PCDH15: variants seen among roughly 807,000 people sequenced by gnomAD.
PCDH15 encodes the protein protocadherin-15.
PCDH15 carries 129 observed loss-of-function variants against 178.5 expected under a neutral mutation model. The ratio of observed to expected loss-of-function variants is 0.72; its 90% CI spans 0.63 to 0.84. The LOEUF (loss-of-function observed/expected upper bound fraction) is 0.84. PCDH15 is among the 40% of genes least tolerant of loss of function. The pLI, the probability that PCDH15 is intolerant of heterozygous loss-of-function variation, is 0.00. For missense variants in PCDH15, 2,230 were observed against 2,099.9 expected (o/e 1.06, Z -1.21); for synonymous variants, 800 against 732.0 (o/e 1.09, Z -1.50).
At chr10:54,859,880 T>G in intron 3 of PCDH15, among the ~76,000 whole-genome samples, 1 of 151,872 alleles carries the variant, frequency 6.6e-6, no homozygotes, top group Non-Finnish European at 1.5e-5. Flanking sequence ...TCTCAGGATT[T>G]TTTTCTGTTC....
At chr10:54,569,645 T>C (rs1223039287) in intron 2 of PCDH15, among the ~76,000 whole-genome samples, 1 of 152,114 alleles carries the variant, frequency 6.6e-6, no homozygotes, top group Non-Finnish European at 1.5e-5. Context: ...AAGGTTGGCT[T>C]TGGGGGATTT....
intron 2 of PCDH15, among the ~76,000 whole-genome samples, chr10:54,540,913 G>A (rs954762962): frequency 2.6e-5 from 4 of 152,124 alleles, no homozygotes; most frequent in East Asian, 3.9e-4. Flanking sequence ...AAAACTATAC[G>A]ATAATCCCAG....
At chr10:54,627,331 C>A (rs534804151) in intron 2 of PCDH15, among the ~76,000 whole-genome samples, 1 of 152,080 alleles carries the variant, frequency 6.6e-6, no homozygotes, top group South Asian at 2.1e-4. Flanking sequence ...CATCTTGAAG[C>A]TCCCATAGTT....
chr10:54,052,162 C>T (rs1053198445), intron 18 of PCDH15, among the ~76,000 whole-genome samples: 7 of 152,168 alleles, frequency 4.6e-5, no homozygotes, highest in African/African-American at 1.7e-4. Flanking sequence ...TGGTCAGAGC[C>T]CCCACACAGA....
intron 2 of PCDH15, among the ~76,000 whole-genome samples, chr10:54,971,096 G>T (rs1261565421): frequency 1.3e-5 from 2 of 152,080 alleles, no homozygotes; most frequent in African/African-American, 4.8e-5. Context: ...TGGAGTTAAT[G>T]AGATGGAATG....
intron 2 of PCDH15, chr10:54,608,005 G>A: frequency 2.1e-6 from 1 of 470,920 alleles, no homozygotes; most frequent in Non-Finnish European, 4.1e-6. Context: ...TGGTTATTGT[G>A]AGAAGACTTG....
intron 2 of PCDH15, among the ~76,000 whole-genome samples, chr10:55,159,576 A>C (rs1244857779): frequency 6.7e-6 from 1 of 149,150 alleles, no homozygotes; most frequent in Non-Finnish European, 1.5e-5. Context: ...ATTTATTGAG[A>C]GAGAAAAGAA....
intron 1 of PCDH15, among the ~76,000 whole-genome samples, chr10:55,250,762 C>G (rs1395123012): frequency 2.0e-5 from 3 of 151,436 alleles, no homozygotes; most frequent in Non-Finnish European, 4.4e-5. Context: ...GTCTTGAACT[C>G]CTGACCTCGT....
chr10:54,075,029 G>A (rs1016554201), intron 17 of PCDH15, among the ~76,000 whole-genome samples: 7 of 152,082 alleles, frequency 4.6e-5, no homozygotes, highest in African/African-American at 1.7e-4. Flanking sequence ...TTGGAAAAGT[G>A]TCTATTCAAG....
intron 21 of PCDH15, among the ~76,000 whole-genome samples, chr10:53,977,780 G>C (rs1434959964): frequency 6.6e-6 from 1 of 152,118 alleles, no homozygotes; most frequent in Admixed American, 6.5e-5. Flanking sequence ...AGATACAATG[G>C]GGGTATAGGC....
intron 18 of PCDH15, among the ~76,000 whole-genome samples, chr10:54,060,772 G>A (rs58624785): frequency 0.033 from 4,948 of 152,162 alleles, 258 homozygotes; most frequent in African/African-American, 0.11. Context: ...ATGGAGTCAC[G>A]TGATCTAGTG....
chr10:55,277,547 C>T (rs1842624751), intron 1 of PCDH15, among the ~76,000 whole-genome samples: 1 of 152,024 alleles, frequency 6.6e-6, no homozygotes, highest in Non-Finnish European at 1.5e-5. Flanking sequence ...AACCTGTACA[C>T]CACTGTGATA....
At chr10:54,086,645 A>G (rs1425238441) in intron 16 of PCDH15, among the ~76,000 whole-genome samples, 2 of 152,280 alleles carry the variant, frequency 1.3e-5, no homozygotes, top group South Asian at 4.2e-4. Context: ...TGAGAACAAC[A>G]GCATTGAGGT....
intron 2 of PCDH15, among the ~76,000 whole-genome samples, chr10:55,081,006 T>C (rs1842027405): frequency 6.6e-6 from 1 of 152,112 alleles, no homozygotes; most frequent in Non-Finnish European, 1.5e-5. Context: ...GGGGTCACTT[T>C]TCATAGCCCC....
chr10:54,718,585 T>A lies in PCDH15; in HGVS notation c.-28-54295A>T, dbSNP rs2095508875. ...TCCAAATTAAAACAAATTCAAAAAA[T>A]AAGGAGAGATAGCTTATCTAGATGA... On this transcript the variant is annotated intron_variant, in intron 1 of 37. Transcript: ENST00000644397. Among the ~76,000 whole-genome samples the A allele has an allele frequency of 1.4e-5, 2 of 148,076 alleles. 1 individual carries two copies. Among genetic ancestry groups the A allele is most frequent in the Admixed American group, 1.4e-4 (2 of 14,780 alleles).
chr10:54,445,188 TA>T (rs765766944), intron 3 of PCDH15, among the ~76,000 whole-genome samples: 12 of 151,546 alleles, frequency 7.9e-5, no homozygotes, highest in Admixed American at 3.3e-4. Context: ...TTTTTGCTTT[TA>T]TTTTTTTCTC....
chr10:54,242,156 A>ATG (rs2055426228), intron 8 of PCDH15, among the ~76,000 whole-genome samples: 10 of 98,496 alleles, frequency 1.0e-4, no homozygotes, highest in African/African-American at 4.4e-4. Flanking sequence ...ATATATATAT[A>ATG]TATATATATA....
chr10:54,767,444 T>TTTATTGGCTCTTCGGC (rs1948641428), intron 1 of PCDH15, among the ~76,000 whole-genome samples: 1 of 152,048 alleles, frequency 6.6e-6, no homozygotes, highest in Admixed American at 6.5e-5. Flanking sequence ...TCCAATTAAA[T>TTTATTGGCTCTTCGGC]TACATAGACA....
At chr10:55,438,754 T>A (rs959784809) in intron 2 of PCDH15, among the ~76,000 whole-genome samples, 1 of 151,828 alleles carries the variant, frequency 6.6e-6, no homozygotes, top group African/African-American at 2.4e-5. Flanking sequence ...TATTGAAGAC[T>A]GGAAATAGAA....
Sources: gnomAD v4.1 joint callset for allele counts (sites outside exome capture counted in the v4.1 genomes callset) on GRCh38, gnomAD v4.1.1 for gene constraint, MANE v1.5 for transcripts, NCBI Gene and HGNC (gene_info 2026-07-23, HGNC 2026-07-21) for gene names.